PCDH15: variants seen among roughly 807,000 people sequenced by gnomAD.
PCDH15 encodes protocadherin-15.
Under a neutral mutation model 178.5 loss-of-function variants are expected in PCDH15, and 129 were observed. The observed-to-expected ratio is 0.72, with a 90% CI of 0.63 to 0.84. The LOEUF is 0.84. Ranked by LOEUF, PCDH15 falls within the 40% of genes least tolerant of loss-of-function variation. PCDH15 has a pLI of 0.00. For missense variants in PCDH15, 2,230 were observed against 2,099.9 expected, an observed-to-expected ratio of 1.06 and a Z score of -1.21; for synonymous variants, 800 against 732.0, an observed-to-expected ratio of 1.09 and a Z score of -1.50.
intron 2 of PCDH15, among the ~76,000 whole-genome samples, chr10:55,332,550 A>G (rs1844229729): frequency 2.0e-5 from 3 of 152,152 alleles, no homozygotes; most frequent in African/African-American, 7.2e-5. Context: ...AAACTAATCA[A>G]TATCAGTAAA....
chr10:54,751,441 T>A (rs1407160049), intron 1 of PCDH15, among the ~76,000 whole-genome samples: 1 of 152,306 alleles, frequency 6.6e-6, no homozygotes, highest in Non-Finnish European at 1.5e-5. Context: ...ACCTGCTAAA[T>A]ACATAACTGG....
In PCDH15 at chr10:54,821,333, C is replaced by T. The variant is rs376586994; in HGVS notation, c.-29+76117G>A. ...TGTCAAACCCTGACCCAACTATGTA[C>T]ATTAGAACCTCAAGATGTTAGGCAC... On this transcript the variant is annotated intron_variant, in intron 3 of 5. Coordinates refer to the PCDH15 transcript ENST00000458638. Among the ~76,000 whole-genome samples, 16 of 151,986 alleles carry T rather than the reference C, an allele frequency of 1.1e-4. No individual in the cohort carries two copies. In the East Asian group the frequency reaches 1.4e-3, roughly 13 times the overall value.
chr10:55,495,119 T>G (rs985274236), intron 2 of PCDH15, among the ~76,000 whole-genome samples: 12 of 151,844 alleles, frequency 7.9e-5, no homozygotes, highest in African/African-American at 2.9e-4. Context: ...ATTATATACC[T>G]AAATATGTAT....
chr10:54,141,321 A>G (rs920475383), intron 14 of PCDH15, among the ~76,000 whole-genome samples: 5 of 152,114 alleles, frequency 3.3e-5, no homozygotes, highest in African/African-American at 1.2e-4. Context: ...CTTACCTCTG[A>G]GTATATTGAT....
At chr10:54,495,840 G>C (rs181082938) in intron 3 of PCDH15, among the ~76,000 whole-genome samples, 127 of 152,090 alleles carry the variant, frequency 8.4e-4, no homozygotes, top group African/African-American at 2.8e-3. Flanking sequence ...TCTCCTATTT[G>C]GTCCTTTTCA....
intron 7 of PCDH15, among the ~76,000 whole-genome samples, chr10:54,320,463 G>A (rs2061527111): frequency 6.6e-6 from 1 of 152,076 alleles, no homozygotes; most frequent in South Asian, 2.1e-4. Flanking sequence ...GGAGCAACAT[G>A]TGGCATGTGA....
intron 1 of PCDH15, among the ~76,000 whole-genome samples, chr10:54,685,750 A>G (rs907264930): frequency 3.9e-5 from 6 of 152,194 alleles, no homozygotes; most frequent in African/African-American, 1.4e-4. Context: ...CCATGCTCAG[A>G]ACACTTGCAT....
chr10:54,557,185 T>A, intron 2 of PCDH15, among the ~76,000 whole-genome samples: 1 of 152,120 alleles, frequency 6.6e-6, no homozygotes, highest in East Asian at 1.9e-4. Context: ...CTTCACCTAA[T>A]TACCTCTGAA....
intron 1 of PCDH15, among the ~76,000 whole-genome samples, chr10:55,241,216 A>G (rs1397700862): frequency 6.6e-6 from 1 of 152,180 alleles, no homozygotes; most frequent in Admixed American, 6.5e-5. Context: ...ACTCCATGTC[A>G]AAAACAAACA....
At chr10:55,401,354 T>G (rs537157706) in intron 2 of PCDH15, among the ~76,000 whole-genome samples, 2 of 151,820 alleles carry the variant, frequency 1.3e-5, no homozygotes, top group South Asian at 2.1e-4. Context: ...GAGATTAATT[T>G]TTTTTGTCAA....
intron 37 of PCDH15, among the ~76,000 whole-genome samples, chr10:53,807,594 A>ATTCT (rs1260474031): frequency 2.0e-5 from 3 of 152,150 alleles, no homozygotes; most frequent in Non-Finnish European, 2.9e-5. Flanking sequence ...TTTTTAATGT[A>ATTCT]TTCTCTAGTT....
intron 2 of PCDH15, among the ~76,000 whole-genome samples, chr10:55,100,564 T>A (rs1337681986): frequency 1.3e-5 from 2 of 152,024 alleles, no homozygotes; most frequent in Non-Finnish European, 2.9e-5. Flanking sequence ...CTTCCACTCA[T>A]GTTGGAAGGG....
intron 3 of PCDH15, among the ~76,000 whole-genome samples, chr10:54,509,934 T>C (rs1423929786): frequency 6.6e-6 from 1 of 152,188 alleles, no homozygotes; most frequent in African/African-American, 2.4e-5. Context: ...TGCACTGCTG[T>C]GTGACTTCTT....
chr10:55,385,547 A>C (rs1016645858), intron 2 of PCDH15, among the ~76,000 whole-genome samples: 1 of 151,738 alleles, frequency 6.6e-6, no homozygotes, highest in Non-Finnish European at 1.5e-5. Context: ...GTTATTATGT[A>C]GAAACACATA....
At chr10:55,605,395 A>T (rs1467487939) in intron 2 of PCDH15, among the ~76,000 whole-genome samples, 1 of 151,078 alleles carries the variant, frequency 6.6e-6, no homozygotes, top group Non-Finnish European at 1.5e-5. Flanking sequence ...AACTCATTTT[A>T]TGAGGCCAGC....
At chr10:54,773,344 C>A (rs144602124) in intron 1 of PCDH15, among the ~76,000 whole-genome samples, 1 of 152,088 alleles carries the variant, frequency 6.6e-6, no homozygotes, top group Admixed American at 6.6e-5. Context: ...TCTCCTAATA[C>A]GTCATTTTTA....
intron 3 of PCDH15, among the ~76,000 whole-genome samples, chr10:54,431,163 C>A (rs1410931082): frequency 6.6e-6 from 1 of 152,122 alleles, no homozygotes; most frequent in Non-Finnish European, 1.5e-5. Context: ...AGCTTCACTG[C>A]TGAATTCTAC....
At chr10:54,295,910 C>A (rs113414343) in intron 8 of PCDH15, among the ~76,000 whole-genome samples, 1 of 151,626 alleles carries the variant, frequency 6.6e-6, no homozygotes, top group African/African-American at 2.4e-5. Context: ...TTTGGGAGGC[C>A]GAGGCGGGCG....
At chr10:54,946,497 T>C (rs190914643) in intron 2 of PCDH15, among the ~76,000 whole-genome samples, 2 of 151,816 alleles carry the variant, frequency 1.3e-5, no homozygotes, top group Admixed American at 1.3e-4. Flanking sequence ...TATTTTTACA[T>C]TTGTTACGCA....
Sources: allele counts gnomAD v4.1 joint callset (sites outside exome capture counted in the v4.1 genomes callset), GRCh38; gene constraint gnomAD v4.1.1; transcripts MANE v1.5; gene names NCBI Gene and HGNC (gene_info 2026-07-23, HGNC 2026-07-21).